PSME4: variants seen among roughly 807,000 people sequenced by gnomAD.
PSME4 encodes proteasome activator subunit 4, also known as proteasome activator complex subunit 4.
In PSME4, 89 loss-of-function variants were observed where a neutral mutation model predicts 253.9. That is an observed-to-expected ratio of 0.35 (90% CI 0.30 to 0.42). The LOEUF is 0.42. Among genes scored for constraint, PSME4 ranks in the 10% least tolerant of loss-of-function variants. The probability of loss-of-function intolerance (pLI) is 1.00; values close to 1 mark genes in which losing one functional copy is unlikely to be tolerated. For missense variants in PSME4, 2,014 were observed against 2,195.2 expected (o/e 0.92, Z 1.65); for synonymous variants, 851 against 759.2 (o/e 1.12, Z -1.99).
At chr2:53,878,401 T>C (rs1209663052) in intron 41 of PSME4, among the ~76,000 whole-genome samples, 1 of 152,186 alleles carries the variant, frequency 6.6e-6, no homozygotes, top group Admixed American at 6.5e-5. Flanking sequence ...GCACAAATTG[T>C]TTAAACAATA....
At chr2:53,872,814 G>C (rs1170475816) in intron 43 of PSME4, among the ~76,000 whole-genome samples, 1 of 148,840 alleles carries the variant, frequency 6.7e-6, no homozygotes, top group Non-Finnish European at 1.5e-5. Context: ...AATGCAAGCG[G>C]TATAATAATT....
intron 41 of PSME4, among the ~76,000 whole-genome samples, chr2:53,884,351 C>T (rs1558651258): frequency 1.3e-5 from 2 of 152,176 alleles, no homozygotes; most frequent in Admixed American, 6.5e-5. Flanking sequence ...GCTGGGACTA[C>T]AGGCGTGCGC....
chr2:53,887,169 T>C, intron 40 of PSME4, 90 bp downstream of exon 40: 1 of 1,189,102 alleles, frequency 8.4e-7, no homozygotes, highest in Non-Finnish European at 1.2e-6. Context: ...TATGTCTATT[T>C]TACCACAATA....
Position 53,887,411 on chromosome 2 carries a change from A to G in PSME4, c.4577T>C (p.Ile1526Thr), listed in dbSNP as rs1212435316. 1.2e-6 allele frequency: 2 copies of G among 1,614,002 alleles called. No homozygotes were observed. The highest frequency in any genetic ancestry group is 1.7e-6 in the Non-Finnish European group (2 of 1,179,902). The change falls in exon 40 of 47, where the codon ATA becomes ACA. Residue 1526 changes from isoleucine to threonine, a missense_variant. Physicochemically the swap from Ile to Thr is moderately conservative, Grantham distance 89. This residue lies in a region of PSME4 where 403 missense variants were observed against 556.1 expected (regional missense o/e 0.72). Transcript: ENST00000404125. ...AGTAAACTCAGGGACATGAGGCGAT[A>G]TGGTTGGTGTGGTATTTGGCAAAGA... ...DVSLPNTTPT[I>T]SPHVPEFTAR...
rs535186609 is a variant in PSME4 at position 53,890,282 on chromosome 2, T to C, written c.4192-74A>G. ...TTTTCTTCAAATATCTTTCTTTACC[T>C]GGAAATGTACACACATACAGGTATA... On this transcript the variant is annotated intron_variant, in intron 36 of 46. Transcript: ENST00000404125. 5.3e-5 allele frequency: 54 copies of C among 1,020,680 alleles called. No homozygotes were observed. In the African/African-American group the frequency reaches 8.2e-4, roughly 15 times the overall value. The allele number at this position is 1,020,680 out of a possible 1,614,324, so 63.2% of individuals were successfully genotyped here.
chr2:53,966,234 A>G (rs2104493440), intron 1 of PSME4, among the ~76,000 whole-genome samples: 1 of 152,296 alleles, frequency 6.6e-6, no homozygotes, highest in African/African-American at 2.4e-5. Context: ...CAGTGAGCCG[A>G]CATTGTGCCA....
At chr2:53,943,121 A>T (rs1281151777) in intron 3 of PSME4, among the ~76,000 whole-genome samples, 4 of 152,244 alleles carry the variant, frequency 2.6e-5, no homozygotes, top group Non-Finnish European at 5.9e-5. Context: ...GGAAAAGTAT[A>T]GCAAATGATA....
At chr2:53,871,003 T>C (rs1476373914) in intron 43 of PSME4, 1 of 152,200 alleles carries the variant, frequency 6.6e-6, no homozygotes, top group Non-Finnish European at 1.5e-5. Context: ...TAAACAATTT[T>C]ACAGCTAATT....
intron 1 of PSME4, among the ~76,000 whole-genome samples, chr2:53,955,503 A>T (rs551705520): frequency 1.3e-5 from 2 of 152,330 alleles, no homozygotes; most frequent in South Asian, 4.1e-4. Flanking sequence ...ACTATAATGC[A>T]GTCACTTAAA....
At chr2:53,893,870 A>G (rs1310000682) in intron 34 of PSME4, 71 bp from the exon 35 acceptor site, 2 of 1,476,928 alleles carry the variant, frequency 1.4e-6, no homozygotes, top group Admixed American at 5.3e-5. Context: ...GAAAAAGTTA[A>G]AATTACAAGA....
intron 10 of PSME4, 77 bp from the exon 11 acceptor site, chr2:53,928,380 T>A: frequency 8.7e-7 from 1 of 1,149,190 alleles, no homozygotes; most frequent in Non-Finnish European, 1.2e-6. Context: ...ATATAATAAA[T>A]TCATAAACTG....
At position 53,901,458 on chromosome 2, in the gene PSME4, T is replaced by C. The variant is rs749354372; in HGVS notation, c.3177A>G (p.Ser1059=). The C allele has an allele frequency of 1.9e-6, 3 of 1,614,036 alleles. No individual in the cohort carries two copies. The South Asian group carries it at 3.3e-5, about 18-fold the overall frequency. Residue 1059 remains serine, a synonymous_variant, in exon 28 of 47, where the codon TCA becomes TCG. Coordinates refer to ENST00000404125, the MANE Select transcript of PSME4 (RefSeq NM_014614.3). The part of the protein sequence containing the change: ...IVQTWPAIVS[S]GLSQAMSLEK... Reference sequence around the variant, plus strand: ...CCAGGGACATTGCTTGGCTAAGCCCTGAAGAAACAATCGCTGGCCACGTCT... The same window carrying C: ...CCAGGGACATTGCTTGGCTAAGCCCCGAAGAAACAATCGCTGGCCACGTCT...
At chr2:53,936,741 GA>G in intron 6 of PSME4, 22 bp downstream of exon 6, 1 of 1,508,754 alleles carries the variant, frequency 6.6e-7, no homozygotes, top group African/African-American at 1.4e-5. Flanking sequence ...TAGGGGGGAA[GA>G]AAGGGAAAAA....
chr2:53,880,409 A>G (rs1227581305), intron 41 of PSME4, among the ~76,000 whole-genome samples: 4 of 152,038 alleles, frequency 2.6e-5, no homozygotes, highest in African/African-American at 9.7e-5. Context: ...ATCCTGGACA[A>G]CATAGCAAGA....
chr2:53,885,665 A>T (rs1558652057), intron 41 of PSME4, 25 bp downstream of exon 41: 1 of 1,546,396 alleles, frequency 6.5e-7, no homozygotes, highest in Non-Finnish European at 8.9e-7. Flanking sequence ...AAGGAGATGC[A>T]TTCTTAATTT....
intron 3 of PSME4, among the ~76,000 whole-genome samples, chr2:53,943,983 C>T (rs1669582949): frequency 1.3e-5 from 2 of 151,870 alleles, no homozygotes; most frequent in Admixed American, 6.6e-5. Flanking sequence ...TTATAATAAT[C>T]CTTACCACTC....
intron 20 of PSME4, among the ~76,000 whole-genome samples, chr2:53,915,266 T>C (rs2104446730): frequency 6.6e-6 from 1 of 151,694 alleles, no homozygotes; most frequent in East Asian, 2.0e-4. Flanking sequence ...CAAAGCGAAA[T>C]CCTATCTCCA....
chr2:53,884,578 C>G (rs1679553054), intron 41 of PSME4, among the ~76,000 whole-genome samples: 1 of 152,160 alleles, frequency 6.6e-6, no homozygotes, highest in Non-Finnish European at 1.5e-5. Flanking sequence ...CATCCTTCTA[C>G]CAACCTCTTA....
At chr2:53,868,555 A>AAT (rs539241532) in intron 44 of PSME4, among the ~76,000 whole-genome samples, 2 of 50,394 alleles carry the variant, frequency 4.0e-5, no homozygotes, top group South Asian at 1.0e-3. Context: ...ATATATTTAT[A>AAT]ATATATATAA....
Sources: gnomAD v4.1 joint callset for allele counts (sites outside exome capture counted in the v4.1 genomes callset) on GRCh38, gnomAD v4.1.1 for gene constraint, gnomAD v4.1.1 regional missense constraint, MANE v1.5 for transcripts, NCBI Gene and HGNC (gene_info 2026-07-23, HGNC 2026-07-21) for gene names.